Variants in RP1 observed in about 807,000 individuals in gnomAD.
The protein encoded by RP1 is RP1 axonemal microtubule associated, also known as oxygen-regulated protein 1.
A neutral mutation model predicts 14.8 loss-of-function variants in RP1; 16 were observed. That is an observed-to-expected ratio of 1.08 (90% confidence interval 0.73 to 1.65). The LOEUF (loss-of-function observed/expected upper bound fraction) is 1.65, where lower values mean the gene tolerates loss of function less well. RP1 is among the 40% of genes most tolerant of loss of function. The probability of loss-of-function intolerance (pLI) is 0.00; values close to 1 mark genes in which losing one functional copy is unlikely to be tolerated. For missense variants in RP1, 2,631 were observed against 2,535.0 expected, an observed-to-expected ratio of 1.04 and a Z score of -0.81; for synonymous variants, 876 against 883.6, an observed-to-expected ratio of 0.99 and a Z score of 0.15.
intron 25 of RP1, among the ~76,000 whole-genome samples, chr8:54,843,795 AG>A: frequency 6.6e-6 from 1 of 152,096 alleles, no homozygotes; most frequent in African/African-American, 2.4e-5. Flanking sequence ...ACAGCATCGC[AG>A]GGCTCAGGTG....
At chr8:54,702,042 T>G (rs768231437) in intron 14 of RP1, among the ~76,000 whole-genome samples, 4 of 152,176 alleles carry the variant, frequency 2.6e-5, no homozygotes, top group Non-Finnish European at 2.9e-5. Context: ...ATGCTTATTC[T>G]TTTTTCTTTA....
chr8:54,609,223 G>T (rs1805532656), intron 1 of RP1, among the ~76,000 whole-genome samples: 1 of 152,056 alleles, frequency 6.6e-6, no homozygotes, highest in Admixed American at 6.5e-5. Flanking sequence ...TTGTGTGGGA[G>T]GCCAAGGTAG....
intron 1 of RP1, among the ~76,000 whole-genome samples, chr8:54,575,269 G>A (rs1804616680): frequency 1.3e-5 from 2 of 152,144 alleles, no homozygotes; most frequent in African/African-American, 4.8e-5. Flanking sequence ...TGATTTAGCT[G>A]TTCCCTAATG....
intron 19 of RP1, chr8:54,739,094 G>A: frequency 1.7e-6 from 2 of 1,181,766 alleles, no homozygotes; most frequent in African/African-American, 1.5e-5. Flanking sequence ...AGCTGGCTAT[G>A]TAAAGCAGTG....
intron 26 of RP1, chr8:54,852,737 A>G (rs1812084731): frequency 8.1e-7 from 1 of 1,231,852 alleles, no homozygotes; most frequent in African/African-American, 1.5e-5. Context: ...AGGTAATAGA[A>G]ACAGGTCTTC....
In RP1 at chr8:54,625,500, C is replaced by T. The variant is rs1806012719; in HGVS notation, c.1618C>T (p.Leu540Phe). Residue 540 changes from leucine to phenylalanine, a missense_variant, in exon 4 of 4, where the codon CTT becomes TTT. Coordinates refer to ENST00000220676, the MANE Select transcript of RP1 (RefSeq NM_006269.2). ...AGAAAGAAAAAAGGAAAACAGTCTG[C>T]TTAAGTCAAGTGCAATAAGTGCTGG... ...SLERKKENSL[L>F]KSSAISAGVI... is the part of the protein sequence containing the mutation. The T allele has an allele frequency of 6.2e-7, 1 of 1,613,924 alleles. No homozygotes were observed. Among genetic ancestry groups the T allele is most frequent in the Non-Finnish European group, 8.5e-7 (1 of 1,179,990 alleles).
intron 3 of RP1, among the ~76,000 whole-genome samples, chr8:54,622,676 G>C (rs1350220669): frequency 6.6e-6 from 1 of 152,190 alleles, no homozygotes; most frequent in Admixed American, 6.5e-5. Context: ...CAGCAGGTTA[G>C]CAGAATGACT....
At chr8:54,800,402 T>A (rs949103587) in intron 24 of RP1, among the ~76,000 whole-genome samples, 1 of 152,016 alleles carries the variant, frequency 6.6e-6, no homozygotes, top group East Asian at 1.9e-4. Flanking sequence ...TTGGTTTCTG[T>A]ATCTAATTTT....
At chr8:54,698,892 T>C (rs1585617250) in intron 12 of RP1, among the ~76,000 whole-genome samples, 1 of 151,812 alleles carries the variant, frequency 6.6e-6, no homozygotes, top group African/African-American at 2.4e-5. Context: ...CTATCGGGGG[T>C]TGGGGTCCTG....
At chr8:54,849,649 A>T (rs557545419) in intron 25 of RP1, among the ~76,000 whole-genome samples, 1 of 152,348 alleles carries the variant, frequency 6.6e-6, no homozygotes, top group South Asian at 2.1e-4. Flanking sequence ...GCCTACAAAG[A>T]TGTTTGAAAA....
intron 12 of RP1, among the ~76,000 whole-genome samples, chr8:54,691,948 T>C (rs1450393179): frequency 6.6e-6 from 1 of 152,018 alleles, no homozygotes; most frequent in Non-Finnish European, 1.5e-5. Flanking sequence ...GTATATCTCC[T>C]AATGCTGTCG....
chr8:54,798,581 C>T (rs1476856241), intron 24 of RP1, among the ~76,000 whole-genome samples: 1 of 152,070 alleles, frequency 6.6e-6, no homozygotes, highest in East Asian at 1.9e-4. Context: ...ACTTATAGTT[C>T]AAGTAACTTT....
At chr8:54,794,435 A>ATAT (rs1424415323) in intron 24 of RP1, among the ~76,000 whole-genome samples, 20 of 151,804 alleles carry the variant, frequency 1.3e-4, no homozygotes. Context: ...CCGTTTGTCA[A>ATAT]TATTTGACAA....
At chr8:54,680,610 C>A (rs1585601392) in intron 12 of RP1, among the ~76,000 whole-genome samples, 1 of 152,106 alleles carries the variant, frequency 6.6e-6, no homozygotes, top group African/African-American at 2.4e-5. Flanking sequence ...AAAATGTAAC[C>A]CCTTCTGCCT....
intron 5 of RP1, among the ~76,000 whole-genome samples, chr8:54,654,936 T>C (rs1162707184): frequency 6.6e-6 from 1 of 152,228 alleles, no homozygotes; most frequent in East Asian, 1.9e-4. Flanking sequence ...TGTGAGCCAC[T>C]GTGCCTGGGT....
chr8:54,806,610 C>T (rs2129391310), intron 24 of RP1, among the ~76,000 whole-genome samples: 1 of 152,210 alleles, frequency 6.6e-6, no homozygotes, highest in South Asian at 2.1e-4. Flanking sequence ...TACATGTGAA[C>T]ATAAGTGTTT....
intron 1 of RP1, among the ~76,000 whole-genome samples, chr8:54,582,217 ATAT>A (rs1253954308): frequency 2.1e-4 from 32 of 151,926 alleles, no homozygotes; most frequent in Non-Finnish European, 1.5e-5. Flanking sequence ...AGCTTTCTAC[ATAT>A]GGCTAGCCAG....
At chr8:54,582,041 C>T (rs1804804586) in intron 1 of RP1, among the ~76,000 whole-genome samples, 2 of 152,178 alleles carry the variant, frequency 1.3e-5, no homozygotes, top group Admixed American at 1.3e-4. Context: ...CTTTTGTTGC[C>T]ATTGCTTTTG....
intron 25 of RP1, among the ~76,000 whole-genome samples, chr8:54,839,477 T>C (rs544985150): frequency 2.2e-4 from 33 of 152,354 alleles, no homozygotes; most frequent in African/African-American, 6.5e-4. Context: ...TTAGAAGTCG[T>C]TCTGTCTTCA....
Sources: allele counts gnomAD v4.1 joint callset (sites outside exome capture counted in the v4.1 genomes callset), GRCh38; gene constraint gnomAD v4.1.1; transcripts MANE v1.5; gene names NCBI Gene and HGNC (gene_info 2026-07-23, HGNC 2026-07-21).